Variants in SNX29 observed in about 807,000 individuals in gnomAD.
SNX29 encodes the protein sorting nexin 29.
In SNX29, 78 loss-of-function variants were observed where a neutral mutation model predicts 102.1. The observed-to-expected ratio is 0.76, with a 90% CI of 0.64 to 0.92. The LOEUF (loss-of-function observed/expected upper bound fraction) is 0.92. Among genes scored for constraint, SNX29 ranks in the 40% least tolerant of loss-of-function variants. SNX29 has a pLI of 0.00. For synonymous variants in SNX29, 580 were observed against 414.5 expected (o/e 1.40, Z -4.85); for missense variants, 1,280 against 1,061.7 (o/e 1.21, Z -2.86).
intron 16 of SNX29, among the ~76,000 whole-genome samples, chr16:12,388,639 T>G (rs1336514094): frequency 6.6e-6 from 1 of 152,216 alleles, no homozygotes; most frequent in Non-Finnish European, 1.5e-5. Flanking sequence ...AAAGCGGTCA[T>G]AGATGATACA....
At chr16:11,979,833 G>A (rs1567487576) in intron 1 of SNX29, among the ~76,000 whole-genome samples, 1 of 151,966 alleles carries the variant, frequency 6.6e-6, no homozygotes, top group Non-Finnish European at 1.5e-5. Context: ...ATCCACTTGT[G>A]AACTCCTGGC....
intron 18 of SNX29, among the ~76,000 whole-genome samples, chr16:12,431,122 G>A (rs911632699): frequency 2.0e-5 from 3 of 152,178 alleles, no homozygotes; most frequent in Non-Finnish European, 4.4e-5. Flanking sequence ...AAAGTGCTGG[G>A]ATTACAGGCG....
intron 15 of SNX29, among the ~76,000 whole-genome samples, chr16:12,352,750 C>T (rs984280637): frequency 2.0e-5 from 3 of 152,196 alleles, no homozygotes; most frequent in Non-Finnish European, 4.4e-5. Flanking sequence ...TCCTCTGTCC[C>T]TTGCTGGGCT....
chr16:12,505,246 TGA>T (rs964142987), intron 19 of SNX29, among the ~76,000 whole-genome samples: 1 of 152,222 alleles, frequency 6.6e-6, no homozygotes, highest in Non-Finnish European at 1.5e-5. Flanking sequence ...CAGGCTGCTG[TGA>T]GAGAATATCA....
At chr16:12,566,303 C>T (rs749383267) in intron 20 of SNX29, among the ~76,000 whole-genome samples, 1 of 152,204 alleles carries the variant, frequency 6.6e-6, no homozygotes, top group Non-Finnish European at 1.5e-5. Flanking sequence ...ACACGTGCCT[C>T]CAAGCTATGT....
chr16:12,170,593 A>C (rs1395870291), intron 13 of SNX29, among the ~76,000 whole-genome samples: 3 of 151,870 alleles, frequency 2.0e-5, no homozygotes, highest in African/African-American at 7.3e-5. Context: ...GAATGCTCTG[A>C]CATGGGACGG....
At chr16:12,544,970 G>C (rs534816790) in intron 20 of SNX29, among the ~76,000 whole-genome samples, 1 of 152,208 alleles carries the variant, frequency 6.6e-6, no homozygotes, top group African/African-American at 2.4e-5. Flanking sequence ...CAGGCTCAGA[G>C]AGATTGAGTA....
intron 18 of SNX29, among the ~76,000 whole-genome samples, chr16:12,410,377 A>G (rs927117760): frequency 2.0e-5 from 3 of 152,138 alleles, no homozygotes; most frequent in African/African-American, 7.2e-5. Context: ...TATCCCAGGA[A>G]AACTTGTTCA....
chr16:12,297,486 T>C (rs1200633829), intron 15 of SNX29, among the ~76,000 whole-genome samples: 1 of 152,056 alleles, frequency 6.6e-6, no homozygotes, highest in Non-Finnish European at 1.5e-5. Flanking sequence ...TTCACTTCTC[T>C]CCTCCTCCGC....
At chr16:12,436,777 C>A (rs933968003) in intron 18 of SNX29, among the ~76,000 whole-genome samples, 31 of 152,362 alleles carry the variant, frequency 2.0e-4, no homozygotes, top group African/African-American at 7.0e-4. Flanking sequence ...CCTCAGCCTC[C>A]CTAGTAGCTG....
At chr16:12,186,956 C>A (rs1490753656) in intron 13 of SNX29, among the ~76,000 whole-genome samples, 1 of 152,186 alleles carries the variant, frequency 6.6e-6, no homozygotes, top group Non-Finnish European at 1.5e-5. Flanking sequence ...CACTCAGTGG[C>A]CGGGGCTGAC....
chr16:12,097,351 G>A (rs2052809345), intron 11 of SNX29, among the ~76,000 whole-genome samples: 1 of 152,166 alleles, frequency 6.6e-6, no homozygotes, highest in Non-Finnish European at 1.5e-5. Context: ...ATATGTTTTA[G>A]CTTCACCTGG....
intron 8 of SNX29, among the ~76,000 whole-genome samples, chr16:12,053,682 A>G (rs921800838): frequency 4.9e-5 from 7 of 142,872 alleles, no homozygotes; most frequent in African/African-American, 1.8e-4. Context: ...TTTTTTTCTG[A>G]TGAGACTGTG....
At chr16:12,543,565 G>T (rs1463323950) in intron 20 of SNX29, among the ~76,000 whole-genome samples, 1 of 152,222 alleles carries the variant, frequency 6.6e-6, no homozygotes, top group Non-Finnish European at 1.5e-5. Context: ...TGAGCCACGA[G>T]ATCACGCTTC....
chr16:12,438,255 C>T (rs1597379239), intron 18 of SNX29, among the ~76,000 whole-genome samples: 2 of 152,184 alleles, frequency 1.3e-5, no homozygotes, highest in South Asian at 2.1e-4. Flanking sequence ...TCACTGCAGG[C>T]GTCCCAGCCC....
chr16:11,979,275 C>CAAAAAAAAAAAAAAAA (rs71139569), intron 1 of SNX29, among the ~76,000 whole-genome samples: 4 of 62,004 alleles, frequency 6.5e-5, no homozygotes, highest in African/African-American at 3.0e-4. Context: ...ACTCAGTCTC[C>CAAAAAAAAAAAAAAAA]AAAAAAAAAA....
chr16:12,051,269 C>T (rs371805662), intron 7 of SNX29, among the ~76,000 whole-genome samples: 1 of 150,466 alleles, frequency 6.6e-6, no homozygotes, highest in Non-Finnish European at 1.5e-5. Context: ...TTTGAGGTTA[C>T]AGTGAGCTAT....
At chr16:12,466,312 G>T (rs116017330) in intron 18 of SNX29, among the ~76,000 whole-genome samples, 3 of 152,306 alleles carry the variant, frequency 2.0e-5, no homozygotes, top group African/African-American at 4.8e-5. Flanking sequence ...GAGTAAAGTT[G>T]TCAGATACAA....
chr16:12,115,485 T>TGTGTGTG, intron 11 of SNX29, among the ~76,000 whole-genome samples: 2 of 141,966 alleles, frequency 1.4e-5, no homozygotes, highest in African/African-American at 5.3e-5. Context: ...CCACCTTGAT[T>TGTGTGTG]TGTGTGTGTG....
Sources: gnomAD v4.1 joint callset for allele counts (sites outside exome capture counted in the v4.1 genomes callset) on GRCh38, gnomAD v4.1.1 for gene constraint, MANE v1.5 for transcripts, NCBI Gene and HGNC (gene_info 2026-07-23, HGNC 2026-07-21) for gene names.